GNG2: variants seen among roughly 807,000 people sequenced by gnomAD.
The protein encoded by GNG2 is guanine nucleotide-binding protein G(I)/G(S)/G(O) subunit gamma-2.
In GNG2, 5 loss-of-function variants were observed where a neutral mutation model predicts 5.5. The observed-to-expected ratio is 0.91, with a 90% CI of 0.48 to 1.92. The LOEUF (loss-of-function observed/expected upper bound fraction) is 1.92, where lower values mean the gene tolerates loss of function less well. Ranked by LOEUF, GNG2 falls within the 30% of genes most tolerant of loss-of-function variation. The pLI is 0.01. For missense variants in GNG2, 55 were observed against 88.4 expected (o/e 0.62, Z 1.52); for synonymous variants, 28 against 32.0 (o/e 0.88, Z 0.42).
intron 2 of GNG2, chr14:51,841,552 G>A (rs911134489): frequency 5.7e-6 from 4 of 701,968 alleles, no homozygotes; most frequent in African/African-American, 5.2e-5. Context: ...ATTAAGTGTT[G>A]GAGCCCGGAT....
At chr14:51,899,492 A>G (rs56332306) in intron 2 of GNG2, among the ~76,000 whole-genome samples, 1 of 152,360 alleles carries the variant, frequency 6.6e-6, no homozygotes, top group Non-Finnish European at 1.5e-5. Flanking sequence ...CATTTTTAAG[A>G]CTACAGTTCA....
chr14:51,846,351 T>C (rs959552561), intron 2 of GNG2, among the ~76,000 whole-genome samples: 2 of 152,180 alleles, frequency 1.3e-5, no homozygotes, highest in African/African-American at 4.8e-5. Flanking sequence ...ATGAAAACCA[T>C]ATAAACCTGG....
chr14:51,862,125 A>C (rs1325566290), intron 1 of GNG2, among the ~76,000 whole-genome samples: 1 of 152,186 alleles, frequency 6.6e-6, no homozygotes, highest in Non-Finnish European at 1.5e-5. Flanking sequence ...TCTTTATGAA[A>C]TCGATATGGC....
chr14:51,914,026 G>C, intron 2 of GNG2: 2 of 514,016 alleles, frequency 3.9e-6, no homozygotes, highest in Non-Finnish European at 6.9e-6. Flanking sequence ...ATTTCCATGT[G>C]TGCTTAAAAC....
chr14:51,896,660 A>G (rs1885211782), intron 2 of GNG2, among the ~76,000 whole-genome samples: 1 of 152,224 alleles, frequency 6.6e-6, no homozygotes, highest in Non-Finnish European at 1.5e-5. Flanking sequence ...TTTGATTTAC[A>G]TAGAAATAAT....
At chr14:51,915,561 C>A (rs1184259772) in intron 2 of GNG2, among the ~76,000 whole-genome samples, 1 of 152,090 alleles carries the variant, frequency 6.6e-6, no homozygotes, top group Non-Finnish European at 1.5e-5. Context: ...AAATATGATA[C>A]GTTAGAAGCC....
intron 2 of GNG2, among the ~76,000 whole-genome samples, chr14:51,941,472 A>G (rs759434008): frequency 6.6e-6 from 1 of 152,244 alleles, no homozygotes; most frequent in Non-Finnish European, 1.5e-5. Flanking sequence ...AAAATCTCTC[A>G]GCACCTACTG....
chr14:51,904,554 A>AT (rs544787233), intron 2 of GNG2, among the ~76,000 whole-genome samples: 9 of 149,812 alleles, frequency 6.0e-5, no homozygotes, highest in Admixed American at 4.6e-4. Context: ...CAGCTGCAGC[A>AT]TGATCTGTGC....
intron 3 of GNG2, among the ~76,000 whole-genome samples, chr14:51,961,210 A>T (rs974726083): frequency 6.6e-6 from 1 of 152,204 alleles, no homozygotes; most frequent in Non-Finnish European, 1.5e-5. Context: ...AAGGCAGGAG[A>T]GTTTAGTTGG....
chr14:51,966,226 A>AG (rs1468505189), intron 3 of GNG2, among the ~76,000 whole-genome samples: 5 of 149,314 alleles, frequency 3.3e-5, no homozygotes, highest in South Asian at 2.1e-4. Context: ...AAAAAAAAAA[A>AG]AAAAAAAAAA....
chr14:51,908,254 G>C (rs1292146649), intron 2 of GNG2, among the ~76,000 whole-genome samples: 1 of 152,278 alleles, frequency 6.6e-6, no homozygotes, highest in South Asian at 2.1e-4. Context: ...CAGAGCAAGC[G>C]ATCCAAGAAA....
intron 2 of GNG2, among the ~76,000 whole-genome samples, chr14:51,932,571 C>T (rs937116922): frequency 1.3e-5 from 2 of 152,030 alleles, no homozygotes; most frequent in African/African-American, 4.8e-5. Context: ...CTGCAGTTAG[C>T]CATAATTGTA....
chr14:51,917,106 G>T (rs577505612), intron 2 of GNG2, among the ~76,000 whole-genome samples: 1 of 152,144 alleles, frequency 6.6e-6, no homozygotes, highest in South Asian at 2.1e-4. Context: ...GGAAAAACGC[G>T]ATTTAATGGA....
chr14:51,832,485 T>C (rs911691430), intron 2 of GNG2, among the ~76,000 whole-genome samples: 1 of 152,216 alleles, frequency 6.6e-6, no homozygotes. Context: ...TGCATCACTA[T>C]AGAGCAAAAA....
At chr14:51,902,468 G>A (rs1263886510) in intron 2 of GNG2, among the ~76,000 whole-genome samples, 3 of 152,180 alleles carry the variant, frequency 2.0e-5, no homozygotes, top group Non-Finnish European at 2.9e-5. Flanking sequence ...CCTAGTAGGA[G>A]CTTGATAAAT....
intron 3 of GNG2, among the ~76,000 whole-genome samples, chr14:51,962,534 C>T (rs1253655): frequency 0.93 from 140,867 of 152,214 alleles, 65,674 homozygotes; most frequent in Non-Finnish European, 0.98. Context: ...CCCCCGAATT[C>T]GATCTGTGGA....
At chr14:51,837,424 C>A (rs112966454) in intron 2 of GNG2, among the ~76,000 whole-genome samples, 1,927 of 152,018 alleles carry the variant, frequency 0.013, 46 homozygotes, top group African/African-American at 0.044. Flanking sequence ...GCGGGTGGAT[C>A]ACCTGAGGTC....
At chr14:51,925,080 T>C (rs576298461) in intron 2 of GNG2, among the ~76,000 whole-genome samples, 14 of 152,304 alleles carry the variant, frequency 9.2e-5, no homozygotes, top group Admixed American at 7.2e-4. Flanking sequence ...TTCACAATGA[T>C]TGATTTTGTA....
intron 2 of GNG2, among the ~76,000 whole-genome samples, chr14:51,878,534 T>TA (rs202247479): frequency 8.8e-4 from 133 of 151,294 alleles, no homozygotes; most frequent in Admixed American, 1.3e-3. Context: ...CAGCAAATGC[T>TA]AAAAAAAAAT....
Sources: allele counts gnomAD v4.1 joint callset (sites outside exome capture counted in the v4.1 genomes callset), GRCh38; gene constraint gnomAD v4.1.1; transcripts MANE v1.5; gene names NCBI Gene and HGNC (gene_info 2026-07-23, HGNC 2026-07-21).